The following DOCK3 variants were observed in gnomAD, a reference collection of about 807,000 sequenced individuals.
DOCK3 encodes the protein dedicator of cytokinesis protein 3.
In DOCK3, 60 loss-of-function variants were observed where a neutral mutation model predicts 265.6. That is an observed-to-expected ratio of 0.23 (90% CI 0.18 to 0.28). The LOEUF is 0.28. Among genes scored for constraint, DOCK3 ranks in the 10% least tolerant of loss-of-function variants. DOCK3 has a pLI of 1.00. For missense variants in DOCK3, 1,981 were observed against 2,594.3 expected (o/e 0.76, Z 5.14); for synonymous variants, 881 against 938.0 (o/e 0.94, Z 1.11).
intron 3 of DOCK3, 28 bp downstream of exon 3, chr3:50,841,743 C>CTTTTTCTTTTTTTTTTTTTTT: frequency 2.1e-6 from 1 of 483,404 alleles, no homozygotes; most frequent in Non-Finnish European, 3.4e-6. Context: ...GTTACCTTTT[C>CTTTTTCTTTTTTTTTTTTTTT]TAATGTAGGA....
chr3:50,682,411 C>T (rs939535232), intron 1 of DOCK3, among the ~76,000 whole-genome samples: 1 of 152,166 alleles, frequency 6.6e-6, no homozygotes, highest in Non-Finnish European at 1.5e-5. Flanking sequence ...TCCCCCATGT[C>T]TTCATTTCTT....
chr3:50,785,289 C>T (rs2042125083), intron 2 of DOCK3, among the ~76,000 whole-genome samples: 1 of 152,140 alleles, frequency 6.6e-6, no homozygotes, highest in Non-Finnish European at 1.5e-5. Context: ...ACTGCCTCTA[C>T]CAATTCGGAT....
At chr3:51,328,836 A>G in intron 32 of DOCK3, among the ~76,000 whole-genome samples, 1 of 152,158 alleles carries the variant, frequency 6.6e-6, no homozygotes, top group Non-Finnish European at 1.5e-5. Flanking sequence ...ATAATAAATA[A>G]TATCACAGTA....
At chr3:51,325,999 C>T (rs1156926757) in intron 32 of DOCK3, among the ~76,000 whole-genome samples, 2 of 150,502 alleles carry the variant, frequency 1.3e-5, no homozygotes, top group Non-Finnish European at 2.9e-5. Flanking sequence ...CACCATGGCA[C>T]AGGTATACCT....
At position 51,360,603 on chromosome 3, in the gene DOCK3, G is replaced by A. The variant is rs762619439; in HGVS notation, c.4977G>A (p.Pro1659=). Residue 1659 remains proline (P), a synonymous_variant, in exon 47 of 53, where the codon CCG becomes CCA. Coordinates refer to ENST00000266037, the MANE Select transcript of DOCK3 (RefSeq NM_004947.5). ...TGGCATCCCATAGCCCCATGAGTCC[G>A]GAGAGCATCAAGATGACCCACCGGC... ...NVLASHSPMS[P]ESIKMTHRHS... 1.5e-5 allele frequency: 25 copies of A among 1,613,688 alleles called. 1 individual carries two copies. Among genetic ancestry groups the A allele is most frequent in the South Asian group, 8.8e-5 (8 of 91,028 alleles).
intron 12 of DOCK3, among the ~76,000 whole-genome samples, chr3:51,186,235 G>A (rs931963012): frequency 2.0e-5 from 3 of 152,198 alleles, no homozygotes. Context: ...CTGGAGCAAA[G>A]ATGACTTTTG....
chr3:50,682,101 T>G (rs534984746), intron 1 of DOCK3, among the ~76,000 whole-genome samples: 1 of 152,330 alleles, frequency 6.6e-6, no homozygotes, highest in South Asian at 2.1e-4. Flanking sequence ...TCATAAACTT[T>G]AGAACTCTAA....
intron 9 of DOCK3, among the ~76,000 whole-genome samples, chr3:51,134,012 C>T (rs4927965): frequency 0.91 from 138,790 of 152,258 alleles, 63,409 homozygotes; most frequent in African/African-American, 0.95. Context: ...TTCCCACTTA[C>T]AAGTGAGAAC....
intron 3 of DOCK3, among the ~76,000 whole-genome samples, chr3:50,858,447 AT>A (rs563004659): frequency 4.9e-5 from 6 of 122,494 alleles, no homozygotes; most frequent in Non-Finnish European, 1.2e-4. Context: ...AATAATAATA[AT>A]AATAAAAATA....
chr3:50,738,905 T>A (rs2038823493), intron 1 of DOCK3, among the ~76,000 whole-genome samples: 3 of 152,182 alleles, frequency 2.0e-5, no homozygotes, highest in Non-Finnish European at 2.9e-5. Context: ...GTTGGTAGGC[T>A]TTTTTCATTG....
At chr3:51,111,428 A>G (rs1408372337) in intron 9 of DOCK3, among the ~76,000 whole-genome samples, 2 of 152,240 alleles carry the variant, frequency 1.3e-5, no homozygotes, top group Non-Finnish European at 2.9e-5. Flanking sequence ...ATAAGGCTAT[A>G]CACCTACAAC....
intron 2 of DOCK3, among the ~76,000 whole-genome samples, chr3:50,834,394 A>G (rs1185974944): frequency 6.6e-6 from 1 of 152,204 alleles, no homozygotes; most frequent in Non-Finnish European, 1.5e-5. Context: ...TTTACATAAC[A>G]AGTTATAATT....
intron 3 of DOCK3, among the ~76,000 whole-genome samples, chr3:50,866,562 G>A (rs2047156781): frequency 6.6e-6 from 1 of 151,502 alleles, no homozygotes; most frequent in African/African-American, 2.4e-5. Context: ...TAGTTTTGTA[G>A]TTTGAGGGTA....
intron 1 of DOCK3, among the ~76,000 whole-genome samples, chr3:50,709,642 A>G (rs1036230671): frequency 6.6e-6 from 1 of 152,088 alleles, no homozygotes; most frequent in East Asian, 1.9e-4. Context: ...ACTGGCCAAT[A>G]TGGTGAAACC....
chr3:50,945,948 C>G (rs1433700593), intron 5 of DOCK3, among the ~76,000 whole-genome samples: 1 of 151,856 alleles, frequency 6.6e-6, no homozygotes, highest in Non-Finnish European at 1.5e-5. Context: ...AAGTTTAGGG[C>G]CAGTGTAGTG....
At chr3:51,346,473 C>A (rs188529522) in intron 38 of DOCK3, among the ~76,000 whole-genome samples, 422 of 152,284 alleles carry the variant, frequency 2.8e-3, no homozygotes, top group Non-Finnish European at 4.9e-3. Context: ...ATGGACTCAT[C>A]CTTTTTTATG....
chr3:50,721,553 T>C (rs1186456196), intron 1 of DOCK3, among the ~76,000 whole-genome samples: 1 of 152,198 alleles, frequency 6.6e-6, no homozygotes, highest in Non-Finnish European at 1.5e-5. Context: ...CCCATGTGTT[T>C]GTTTTTGTAC....
chr3:51,173,249 T>A (rs1295594516), intron 12 of DOCK3, among the ~76,000 whole-genome samples: 1 of 152,192 alleles, frequency 6.6e-6, no homozygotes, highest in Admixed American at 6.5e-5. Flanking sequence ...GCCTACTGAA[T>A]AACTGGGACT....
At chr3:50,901,846 T>C (rs1239202311) in intron 4 of DOCK3, among the ~76,000 whole-genome samples, 1 of 152,176 alleles carries the variant, frequency 6.6e-6, no homozygotes, top group Non-Finnish European at 1.5e-5. Flanking sequence ...GTACCTCACT[T>C]GGAAATGTTG....
Sources: gnomAD v4.1 joint callset for allele counts (sites outside exome capture counted in the v4.1 genomes callset) on GRCh38, gnomAD v4.1.1 for gene constraint, MANE v1.5 for transcripts, NCBI Gene and HGNC (gene_info 2026-07-23, HGNC 2026-07-21) for gene names.